The following VWF variants were observed in gnomAD, a reference collection of about 807,000 sequenced individuals.
VWF encodes Factor VIII related antigen.
VWF carries 176 observed loss-of-function variants against 308.6 expected under a neutral mutation model. The ratio of observed to expected loss-of-function variants is 0.57; its 90% CI spans 0.50 to 0.65. VWF has a LOEUF of 0.65. VWF is among the 30% of genes least tolerant of loss of function. VWF has a pLI of 0.00. For missense variants in VWF, 3,146 were observed against 3,648.2 expected, an observed-to-expected ratio of 0.86 and a Z score of 3.55; for synonymous variants, 1,385 against 1,443.4, an observed-to-expected ratio of 0.96 and a Z score of 0.92.
At chr12:6,115,118 C>T (rs1159782496) in intron 3 of VWF, among the ~76,000 whole-genome samples, 1 of 152,144 alleles carries the variant, frequency 6.6e-6, no homozygotes, top group African/African-American at 2.4e-5. Flanking sequence ...CTCACTTCAC[C>T]CTCGAACTCC....
At chr12:6,017,817 C>A (rs940470063) in intron 28 of VWF, among the ~76,000 whole-genome samples, 9 of 152,208 alleles carry the variant, frequency 5.9e-5, no homozygotes, top group Non-Finnish European at 8.8e-5. Context: ...AATTACCCAG[C>A]TAGCAAGTAG....
intron 3 of VWF, among the ~76,000 whole-genome samples, chr12:6,112,242 T>C (rs1361753604): frequency 6.6e-6 from 1 of 151,902 alleles, no homozygotes; most frequent in African/African-American, 2.4e-5. Context: ...CTGAACAGGG[T>C]GACAAGGGTG....
intron 34 of VWF, among the ~76,000 whole-genome samples, chr12:6,008,193 G>C (rs1338632083): frequency 2.0e-5 from 3 of 146,814 alleles, no homozygotes; most frequent in Non-Finnish European, 4.5e-5. Flanking sequence ...GAATTACCCT[G>C]ATACCAAAGT....
rs557316706 is a variant in VWF, at chr12:6,066,855, C to T, written c.1157-1582G>A. ...CAGCCAGGGGCCAGGCTAGACTGTG[C>T]AGTACTGGACCCAGGTGTGGGCCTG... On this transcript the variant is annotated intron_variant, in intron 10 of 51. Transcript: ENST00000261405. 5.9e-5 allele frequency among the ~76,000 whole-genome samples: 9 copies of T among 152,378 alleles called. No homozygotes were observed. In the South Asian group the frequency reaches 1.9e-3, roughly 32 times the overall value.
intron 18 of VWF, among the ~76,000 whole-genome samples, chr12:6,037,304 A>G (rs1241648230): frequency 6.6e-6 from 1 of 152,214 alleles, no homozygotes; most frequent in Non-Finnish European, 1.5e-5. Flanking sequence ...GAATAAAATT[A>G]ATATGTACTT....
At chr12:6,006,145 C>T (rs1046190250) in intron 34 of VWF, among the ~76,000 whole-genome samples, 5 of 152,104 alleles carry the variant, frequency 3.3e-5, no homozygotes, top group Non-Finnish European at 7.4e-5. Flanking sequence ...GTAGAGTTTT[C>T]GTGAGCAATT....
At chr12:6,028,931 G>A (rs564341798) in intron 22 of VWF, among the ~76,000 whole-genome samples, 1 of 152,204 alleles carries the variant, frequency 6.6e-6, no homozygotes. Context: ...AAATGTAAAT[G>A]GGCTAAATGC....
At position 6,029,369 on chromosome 12, in the gene VWF, G is replaced by C; in HGVS notation, c.2940C>G (p.Ile980Met). 1.2e-6 allele frequency: 2 copies of C among 1,614,194 alleles called. No homozygotes were observed. The highest frequency in any genetic ancestry group is 1.7e-6 in the Non-Finnish European group (2 of 1,180,042). Residue 980 changes from isoleucine (I) to methionine (M), a missense_variant, in exon 22 of 52, where the codon ATC (isoleucine) becomes ATG (methionine). Coordinates refer to ENST00000261405, the MANE Select transcript of VWF (RefSeq NM_000552.5). The stretch of plus-strand genomic sequence containing the variant: ...GGTATGTCTGCTTCAGGACCACGGA[G>C]ATGCTCAGGTGGCGGTCCCAGACCA... ...LSVVWDRHLS[I>M]SVVLKQTYQE...
intron 24 of VWF, 42 bp from the exon 25 acceptor site, chr12:6,023,829 G>T: frequency 1.9e-6 from 3 of 1,605,820 alleles, no homozygotes; most frequent in Non-Finnish European, 2.5e-6. Context: ...ATGGCCAGGT[G>T]TCAGGAACTC....
At chr12:5,964,230 A>ACATACATACATACATACATACATG (rs1943360904) in intron 47 of VWF, among the ~76,000 whole-genome samples, 8 of 140,414 alleles carry the variant, frequency 5.7e-5, no homozygotes, top group African/African-American at 2.5e-4. Flanking sequence ...ATACATACAT[A>ACATACATACATACATACATACATG]CATACATACA....
At position 6,091,619 on chromosome 12, in the gene VWF, C is replaced by T. The variant is rs1591912057; in HGVS notation, c.657+3841G>A. Reference sequence around the variant, plus strand: ...AGTGCAGTGGTGCAATTGTAGCTCACTGCAGCCTCTACCTCCTGGGCTCAA... The same window carrying T: ...AGTGCAGTGGTGCAATTGTAGCTCATTGCAGCCTCTACCTCCTGGGCTCAA... On this transcript the variant is annotated intron_variant, in intron 6 of 51. Transcript: ENST00000261405. 2.0e-5 allele frequency among the ~76,000 whole-genome samples: 3 copies of T among 152,182 alleles called. No individual in the cohort carries two copies. The East Asian group carries it at 5.8e-4, about 29-fold the overall frequency.
intron 5 of VWF, among the ~76,000 whole-genome samples, chr12:6,108,965 A>G (rs1422314644): frequency 7.4e-5 from 11 of 148,914 alleles, no homozygotes; most frequent in African/African-American, 2.7e-4. Flanking sequence ...TGGGTGACAG[A>G]GCGAGACTCC....
At chr12:6,038,529 G>GCGTTCATGGCCCGGGGAGAC (rs3835346) in intron 18 of VWF, among the ~76,000 whole-genome samples, 168 of 152,086 alleles carry the variant, frequency 1.1e-3, no homozygotes, top group Non-Finnish European at 1.8e-3. Flanking sequence ...AACCCACCAT[G>GCGTTCATGGCCCGGGGAGAC]CCTCCTGTCA....
chr12:6,106,131 G>A (rs1466489836), intron 5 of VWF, among the ~76,000 whole-genome samples: 3 of 152,168 alleles, frequency 2.0e-5, no homozygotes, highest in Admixed American at 6.6e-5. Flanking sequence ...TAGGCAAAAC[G>A]TGGAAGCAAT....
At chr12:6,057,806 C>T in intron 14 of VWF, 43 bp downstream of exon 14, 1 of 1,567,986 alleles carries the variant, frequency 6.4e-7, no homozygotes, top group Non-Finnish European at 8.6e-7. Context: ...GTGGAGACCT[C>T]GAGATTCTGC....
chr12:6,034,856 T>C (rs1420115091), intron 19 of VWF, 30 bp from the exon 20 acceptor site: 3 of 1,611,648 alleles, frequency 1.9e-6, no homozygotes, highest in East Asian at 2.2e-5. Context: ...AGATGACAAG[T>C]TGGGCACCTT....
At position 5,994,495 on chromosome 12, in the gene VWF, A is replaced by C; in HGVS notation, c.6176T>G (p.Phe2059Cys). 6.2e-7 allele frequency: 1 copy of C among 1,614,146 alleles called. No individual in the cohort carries two copies. The change falls in exon 36 of 52, where the codon TTC (phenylalanine) becomes TGC (cysteine). Residue 2059 changes from phenylalanine to cysteine, a missense_variant. Physicochemically the swap from Phe to Cys is radical, Grantham distance 205 (BLOSUM62 -2). Coordinates refer to ENST00000261405, the MANE Select transcript of VWF (RefSeq NM_000552.5). The stretch of plus-strand genomic sequence containing the variant: ...CTCATTGTTTTGTGGAGTGAATGTG[A>C]AGATGTGACCAAGGTGATTGAATCT... ...EVRFNHLGHI[F>C]TFTPQNNEFQ...
At chr12:6,009,956 G>A (rs1943973503) in intron 34 of VWF, among the ~76,000 whole-genome samples, 1 of 152,172 alleles carries the variant, frequency 6.6e-6, no homozygotes, top group African/African-American at 2.4e-5. Flanking sequence ...AAGCAGAATG[G>A]TGGTTGCGGG....
Position 6,095,591 on chromosome 12 carries a change from A to C in VWF, c.533-7T>G. ...GGGTCCGAGGTCAAGGTCCCTGTGGAGGAAAGTTTCAGGAAAGTAATGCTT... is the reference window on the plus strand; with the variant it reads ...GGGTCCGAGGTCAAGGTCCCTGTGGCGGAAAGTTTCAGGAAAGTAATGCTT... On this transcript the variant is annotated splice_polypyrimidine_tract_variant and splice_region_variant and intron_variant, in intron 5 of 51. Transcript: ENST00000261405. 6.2e-7 allele frequency: 1 copy of C among 1,614,174 alleles called. No homozygotes were observed. The highest frequency in any genetic ancestry group is 8.5e-7 in the Non-Finnish European group (1 of 1,180,008).
Sources: gnomAD v4.1 joint callset for allele counts (sites outside exome capture counted in the v4.1 genomes callset) on GRCh38, gnomAD v4.1.1 for gene constraint, MANE v1.5 for transcripts, NCBI Gene and HGNC (gene_info 2026-07-23, HGNC 2026-07-21) for gene names.